NT5DC3: variants seen among roughly 807,000 people sequenced by gnomAD.
NT5DC3 encodes the protein 5'-nucleotidase domain containing 3, also known as 5'-nucleotidase domain-containing protein 3.
A neutral mutation model predicts 67.8 loss-of-function variants in NT5DC3; 42 were observed. That is an observed-to-expected ratio of 0.62 (90% confidence interval 0.48 to 0.80). NT5DC3 has a LOEUF of 0.80. Ranked by LOEUF, NT5DC3 falls within the 30% of genes least tolerant of loss-of-function variation. The probability of loss-of-function intolerance (pLI) is 0.00; values close to 1 mark genes in which losing one functional copy is unlikely to be tolerated. For missense variants in NT5DC3, 570 were observed against 696.4 expected, an observed-to-expected ratio of 0.82 and a Z score of 2.04; for synonymous variants, 237 against 255.6, an observed-to-expected ratio of 0.93 and a Z score of 0.69.
intron 1 of NT5DC3, among the ~76,000 whole-genome samples, chr12:103,835,211 T>C (rs1453959073): frequency 6.6e-6 from 1 of 152,208 alleles, no homozygotes; most frequent in Non-Finnish European, 1.5e-5. Context: ...TAATAAATGC[T>C]TGTTGGATGA....
In NT5DC3 at chr12:103,773,826, T is replaced by C. The variant is rs1438667337; in HGVS notation, c.*4003A>G. 1 of 152,656 alleles carries C rather than the reference T, an allele frequency of 6.6e-6. No individual in the cohort carries two copies. Among genetic ancestry groups the C allele is most frequent in the Admixed American group, 6.5e-5 (1 of 15,288 alleles). 9.5% of individuals were successfully genotyped at this position (152,656 alleles called of 1,614,324 possible). ...TTAGTTTGCCCAAAGCTAAATTAACTAGGACCACAAGACTACTTTTCAATT... is the reference window on the plus strand; with the variant it reads ...TTAGTTTGCCCAAAGCTAAATTAACCAGGACCACAAGACTACTTTTCAATT... On this transcript the variant is annotated 3_prime_UTR_variant, in exon 14 of 14. Transcript: ENST00000392876.
chr12:103,809,809 G>C (rs996740421), intron 2 of NT5DC3, among the ~76,000 whole-genome samples: 1 of 152,134 alleles, frequency 6.6e-6, no homozygotes, highest in Non-Finnish European at 1.5e-5. Flanking sequence ...CAATGATCTT[G>C]AAAACTGACA....
At chr12:103,783,678 T>C (rs1306869175) in intron 12 of NT5DC3, among the ~76,000 whole-genome samples, 1 of 151,864 alleles carries the variant, frequency 6.6e-6, no homozygotes, top group Non-Finnish European at 1.5e-5. Context: ...CCACACCTCA[T>C]ATAATTAATT....
Position 103,798,652 on chromosome 12 carries a change from C to T in NT5DC3, c.550G>A (p.Glu184Lys). 6.2e-7 allele frequency: 1 copy of T among 1,613,878 alleles called. No homozygotes were observed. The highest frequency in any genetic ancestry group is 1.3e-5 in the African/African-American group (1 of 75,044). Residue 184 changes from glutamate to lysine, a missense_variant, in exon 5 of 14, where the codon GAA (glutamate) becomes AAA (lysine). Physicochemically the swap from Glu to Lys is moderately conservative, Grantham distance 56. Transcript: ENST00000392876. Reference protein sequence around the residue: ...YRGLSVVPDEEVIEMYEGSHV... With the variant: ...YRGLSVVPDEKVIEMYEGSHV... ...GACCCCTCGTACATTTCAATGACTT[C>T]TTCATCAGGGACAACACTGAGGCCT...
rs1170161913 is a variant in NT5DC3 at position 103,785,395 on chromosome 12, C to T, written c.1269G>A (p.Glu423=). The change falls in exon 12 of 14, where the codon GAG becomes GAA. Residue 423 remains glutamate, a synonymous_variant. Transcript: ENST00000392876. ...GCCAGGTCATGGTTTGAATGTATTG[C>T]TCCGTGTTCATGATTTTGAGCTCAG... The part of the protein sequence containing the change: ...LRSELKIMNT[E]QYIQTMTWLQ... The T allele has an allele frequency of 1.2e-6, 2 of 1,613,852 alleles. No individual in the cohort carries two copies. Among genetic ancestry groups the T allele is most frequent in the Admixed American group, 1.7e-5 (1 of 59,998 alleles).
downstream of NT5DC3, among the ~76,000 whole-genome samples, chr12:103,765,616 T>G (rs1391018867): frequency 6.6e-6 from 1 of 152,078 alleles, no homozygotes; most frequent in East Asian, 1.9e-4. Flanking sequence ...CAGGCTGGAG[T>G]GCAGCGGCAC....
At chr12:103,817,499 A>G (rs1887313214) in intron 1 of NT5DC3, among the ~76,000 whole-genome samples, 1 of 152,160 alleles carries the variant, frequency 6.6e-6, no homozygotes, top group Non-Finnish European at 1.5e-5. Context: ...ATATTTTACT[A>G]CTTTTCACAT....
downstream of NT5DC3, chr12:103,766,338 G>A (rs1187333914): frequency 1.2e-6 from 2 of 1,607,282 alleles, no homozygotes; most frequent in Non-Finnish European, 8.5e-7. Flanking sequence ...ACACTGTGAG[G>A]GCCTGGACGG....
At chr12:103,759,117 TCTC>T in the NT5DC3 span, 1 of 1,614,134 alleles carries the variant, frequency 6.2e-7, no homozygotes, top group South Asian at 1.1e-5. Context: ...ATTCTGTGTT[TCTC>T]CTTTTTTCTC....
chr12:103,754,553 GATGATGGTGGTTGTGGTGATTATGATA>G, the NT5DC3 span, among the ~76,000 whole-genome samples: 1 of 152,144 alleles, frequency 6.6e-6, no homozygotes, highest in African/African-American at 2.4e-5. Flanking sequence ...GTCTTATGAT[GATGATGGTGGTTGTGGTGATTATGATA>G]ATGGTGGTGG....
chr12:103,759,161 AC>A, the NT5DC3 span: 1 of 1,614,090 alleles, frequency 6.2e-7, no homozygotes, highest in Non-Finnish European at 8.5e-7. Flanking sequence ...ATCGAGCACC[AC>A]CTCGCCAATG....
intron 7 of NT5DC3, among the ~76,000 whole-genome samples, chr12:103,793,713 G>A (rs1454645855): frequency 1.3e-5 from 2 of 152,142 alleles, no homozygotes; most frequent in Non-Finnish European, 2.9e-5. Flanking sequence ...CGGTCTAAGT[G>A]GAAACAACTA....
At chr12:103,818,812 A>G (rs1490677221) in intron 1 of NT5DC3, among the ~76,000 whole-genome samples, 5 of 152,300 alleles carry the variant, frequency 3.3e-5, no homozygotes, top group African/African-American at 1.2e-4. Context: ...GCTCTTTGAT[A>G]TCTAATACTG....
At chr12:103,763,121 G>T in the NT5DC3 span, among the ~76,000 whole-genome samples, 5 of 152,042 alleles carry the variant, frequency 3.3e-5, no homozygotes, top group Admixed American at 2.6e-4. Flanking sequence ...AAAGTGTATA[G>T]GCTGTATGAC....
At chr12:103,840,165 C>T (rs943316109) in intron 1 of NT5DC3, among the ~76,000 whole-genome samples, 4 of 152,158 alleles carry the variant, frequency 2.6e-5, no homozygotes, top group African/African-American at 7.2e-5. Flanking sequence ...GTGGAACCTC[C>T]TTCGTAGATT....
chr12:103,808,206 C>T, intron 2 of NT5DC3, among the ~76,000 whole-genome samples: 1 of 152,190 alleles, frequency 6.6e-6, no homozygotes, highest in East Asian at 1.9e-4. Context: ...CCTACCATCC[C>T]CATTTTATTC....
chr12:103,838,702 G>T (rs1593449592), intron 1 of NT5DC3, among the ~76,000 whole-genome samples: 1 of 152,298 alleles, frequency 6.6e-6, no homozygotes, highest in East Asian at 1.9e-4. Flanking sequence ...ATGGGTAAAT[G>T]GTTCAATAGA....
intron 1 of NT5DC3, among the ~76,000 whole-genome samples, chr12:103,831,770 C>CTTT (rs568035358): frequency 2.9e-4 from 32 of 109,642 alleles, no homozygotes; most frequent in East Asian, 5.5e-4. Flanking sequence ...TCAGCATCCT[C>CTTT]TTTTTTTTTT....
intron 9 of NT5DC3, among the ~76,000 whole-genome samples, chr12:103,791,097 T>C (rs1886037094): frequency 6.6e-6 from 1 of 152,162 alleles, no homozygotes; most frequent in Non-Finnish European, 1.5e-5. Flanking sequence ...CCTCTCATTA[T>C]TATGAATAAC....
Sources: gnomAD v4.1 joint callset for allele counts (sites outside exome capture counted in the v4.1 genomes callset) on GRCh38, gnomAD v4.1.1 for gene constraint, MANE v1.5 for transcripts, NCBI Gene and HGNC (gene_info 2026-07-23, HGNC 2026-07-21) for gene names.